The following CACNA2D4 variants were observed in gnomAD, a reference collection of about 807,000 sequenced individuals.
CACNA2D4 encodes voltage-dependent calcium channel subunit alpha-2/delta-4.
CACNA2D4 carries 157 observed loss-of-function variants against 163.8 expected under a neutral mutation model. The ratio of observed to expected loss-of-function variants is 0.96; its 90% CI spans 0.84 to 1.09. The LOEUF (loss-of-function observed/expected upper bound fraction) is 1.09. CACNA2D4 is among the 50% of genes least tolerant of loss of function. CACNA2D4 has a pLI of 0.00. For missense variants in CACNA2D4, 1,410 were observed against 1,479.9 expected, an observed-to-expected ratio of 0.95 and a Z score of 0.78; for synonymous variants, 598 against 586.9, an observed-to-expected ratio of 1.02 and a Z score of -0.27.
intron 26 of CACNA2D4, among the ~76,000 whole-genome samples, chr12:1,825,683 G>A (rs1864284722): frequency 6.6e-6 from 1 of 152,192 alleles, no homozygotes; most frequent in Non-Finnish European, 1.5e-5. Flanking sequence ...TTTGCATCAC[G>A]TGCTGTGTAC....
chr12:1,800,096 C>A (rs375189997), intron 32 of CACNA2D4, 44 bp from the exon 33 acceptor site: 1 of 1,557,402 alleles, frequency 6.4e-7, no homozygotes, highest in East Asian at 2.4e-5. Flanking sequence ...TGAGCCCTCC[C>A]GACTTGGGTT....
intron 18 of CACNA2D4, among the ~76,000 whole-genome samples, chr12:1,863,451 G>A (rs751944276): frequency 2.0e-5 from 3 of 152,200 alleles, no homozygotes; most frequent in Non-Finnish European, 2.9e-5. Flanking sequence ...CAGCTTGTCT[G>A]TTTCTAGGAG....
chr12:1,856,538 C>T (rs865946215), intron 20 of CACNA2D4, among the ~76,000 whole-genome samples: 2 of 152,240 alleles, frequency 1.3e-5, no homozygotes, highest in South Asian at 2.1e-4. Context: ...TGCCCCTCCT[C>T]CCCATCCAGG....
In CACNA2D4 at chr12:1,806,548, C is replaced by A. The variant is rs922094434; in HGVS notation, c.2721+3730G>T. 2.6e-4 allele frequency among the ~76,000 whole-genome samples: 40 copies of A among 152,232 alleles called. No individual in the cohort carries two copies. Among genetic ancestry groups the A allele is most frequent in the Non-Finnish European group, 5.1e-4 (35 of 68,042 alleles). On this transcript the variant is annotated intron_variant, in intron 29 of 37. Transcript: ENST00000382722. The surrounding 1 kb of genome is among the most constrained non-coding windows in gnomAD (Gnocchi z 4.1). ...CTGTAGCTCAACAGGCTTCTCTCTC[C>A]AGGCCCCTGGGTAAGCCCTAGCAGG... is the stretch of plus-strand genomic sequence containing the variant.
chr12:1,907,305 G>A, intron 6 of CACNA2D4, 135 bp downstream of exon 6: 1 of 722,062 alleles, frequency 1.4e-6, no homozygotes, highest in Non-Finnish European at 2.3e-6. Flanking sequence ...TAAAGTGTGG[G>A]CTTGGAGATG....
At chr12:1,819,943 C>A (rs1167811323) in intron 26 of CACNA2D4, among the ~76,000 whole-genome samples, 1 of 152,206 alleles carries the variant, frequency 6.6e-6, no homozygotes, top group East Asian at 1.9e-4. Flanking sequence ...GCTCAGTGAC[C>A]TCTGCATGAC....
chr12:1,795,620 C>T lies in CACNA2D4; in HGVS notation c.3226+48G>A, dbSNP rs1470803124. On this transcript the variant is annotated intron_variant, in intron 36 of 37. Transcript: ENST00000382722. ...AAAATCTGAGCCCTACAGACACCTC[C>T]TACAGCCCCCGCCCCCACCGCACAC... 2.4e-5 allele frequency: 32 copies of T among 1,344,492 alleles called. No homozygotes were observed. The East Asian group carries it at 7.4e-4, about 31-fold the overall frequency. The allele number at this position is 1,344,492 out of a possible 1,614,324, so 83.3% of individuals were successfully genotyped here.
chr12:1,911,319 T>A (rs1866811381), intron 3 of CACNA2D4, among the ~76,000 whole-genome samples: 1 of 152,018 alleles, frequency 6.6e-6, no homozygotes, highest in South Asian at 2.1e-4. Context: ...CTGGCACAAT[T>A]TTTTTTTCTT....
chr12:1,850,187 C>T (rs1403042714), intron 23 of CACNA2D4, among the ~76,000 whole-genome samples: 1 of 152,202 alleles, frequency 6.6e-6, no homozygotes, highest in Non-Finnish European at 1.5e-5. Flanking sequence ...TCGTATCCCA[C>T]CCACAATCTA....
chr12:1,866,947 C>T (rs942426452), intron 18 of CACNA2D4, among the ~76,000 whole-genome samples: 6 of 151,988 alleles, frequency 3.9e-5, no homozygotes, highest in South Asian at 2.1e-4. Flanking sequence ...ATGTCCTTAC[C>T]GAAGACATTA....
In CACNA2D4 at chr12:1,843,459, C is replaced by T. The variant is rs1041988682; in HGVS notation, c.2470+943G>A. Among the ~76,000 whole-genome samples, 5 of 152,230 alleles carry T rather than the reference C, an allele frequency of 3.3e-5. No individual in the cohort carries two copies. Among genetic ancestry groups the T allele is most frequent in the African/African-American group, 1.2e-4 (5 of 41,456 alleles). On this transcript the variant is annotated intron_variant, in intron 25 of 37. Transcript: ENST00000382722. The surrounding 1 kb of genome is among the most constrained non-coding windows in gnomAD (Gnocchi z 4.6). ...AGTCTCCACACTCCTGCATCCCCTCCTGGGGCTCACCCCACCTGCCTGTGC... is the reference window on the plus strand; with the variant it reads ...AGTCTCCACACTCCTGCATCCCCTCTTGGGGCTCACCCCACCTGCCTGTGC...
chr12:1,842,453 TGGAA>T (rs771905707), intron 25 of CACNA2D4, among the ~76,000 whole-genome samples: 5 of 151,934 alleles, frequency 3.3e-5, no homozygotes, highest in South Asian at 2.1e-4. Context: ...TCTTTTGGGG[TGGAA>T]GGGAGTGTGC....
Position 1,844,264 on chromosome 12 carries a change from AAGGCAGGAGGGG to A in CACNA2D4, c.2470+126_2470+137del. 1 of 1,004,254 alleles carries A rather than the reference AAGGCAGGAGGGG, an allele frequency of 1.0e-6. No individual in the cohort carries two copies. Among genetic ancestry groups the A allele is most frequent in the Non-Finnish European group, 1.4e-6 (1 of 698,680 alleles). 62.2% of individuals were successfully genotyped at this position (1,004,254 alleles called of 1,614,324 possible). On this transcript the variant is annotated intron_variant, in intron 25 of 37. Coordinates refer to ENST00000382722, the MANE Select transcript of CACNA2D4 (RefSeq NM_172364.5). The surrounding 1 kb of genome is among the most constrained non-coding windows in gnomAD (Gnocchi z 4.2). The stretch of plus-strand genomic sequence containing the variant: ...TAAGTCACTAATGCATGCAGGAGGG[AAGGCAGGAGGGG>A]AACCCTGGTGGTCTGGACATTCTAT...
intron 26 of CACNA2D4, among the ~76,000 whole-genome samples, chr12:1,821,407 G>A (rs1203792310): frequency 6.6e-6 from 1 of 152,214 alleles, no homozygotes; most frequent in African/African-American, 2.4e-5. Flanking sequence ...ATGAGCATGG[G>A]CCCACTCAGC....
At position 1,795,647 on chromosome 12, in the gene CACNA2D4, TC is replaced by T. The variant is rs1863098060; in HGVS notation, c.3226+20del. ...ACAGCCCCCGCCCCCACCGCACACA[TC>T]CCCGAGCATTGCAGGATATATTTGA... On this transcript the variant is annotated intron_variant, in intron 36 of 37. Coordinates refer to ENST00000382722, the MANE Select transcript of CACNA2D4 (RefSeq NM_172364.5). 1.3e-6 allele frequency: 2 copies of T among 1,519,150 alleles called. No homozygotes were observed. The highest frequency in any genetic ancestry group is 4.5e-5 in the East Asian group (2 of 44,384). 94.1% of individuals were successfully genotyped at this position (1,519,150 alleles called of 1,614,324 possible).
chr12:1,879,434 C>T (rs1490169714), intron 14 of CACNA2D4, among the ~76,000 whole-genome samples: 1 of 152,162 alleles, frequency 6.6e-6, no homozygotes, highest in African/African-American at 2.4e-5. Context: ...AAGAAATCCC[C>T]TCACCAGAGG....
rs570363733 is a variant in CACNA2D4, at chr12:1,878,976, T to A, written c.1624A>T (p.Lys542Ter). ...GSDVALRELM[K>*]LAPRYKLGVH... is the part of the protein sequence containing the mutation. ...CTCACCTTGTACCGGGGCGCCAGCT[T>A]CATCAGCTCTCTCAGGGCCACATCT... Residue 542 changes from lysine (K) to a stop codon, truncating the protein, a stop_gained, in exon 15 of 38, where the codon AAG (lysine) becomes TAG (stop). Transcript: ENST00000382722. LOFTEE classifies it high-confidence loss of function. The surrounding 1 kb of genome is among the most constrained non-coding windows in gnomAD (Gnocchi z 4.6). The A allele has an allele frequency of 1.9e-6, 3 of 1,613,852 alleles. No homozygotes were observed. The South Asian group carries it at 3.3e-5, about 18-fold the overall frequency.
intron 18 of CACNA2D4, among the ~76,000 whole-genome samples, chr12:1,871,558 T>C (rs1226240716): frequency 1.3e-5 from 2 of 150,558 alleles, no homozygotes; most frequent in African/African-American, 4.9e-5. Context: ...TACACGTGTG[T>C]GCTGGTGTGT....
At chr12:1,812,117 C>T (rs953248450) in intron 26 of CACNA2D4, among the ~76,000 whole-genome samples, 1 of 152,190 alleles carries the variant, frequency 6.6e-6, no homozygotes, top group Admixed American at 6.5e-5. Context: ...GACCAAATCA[C>T]GTGACCAAGA....
Sources: gnomAD v4.1 joint callset for allele counts (sites outside exome capture counted in the v4.1 genomes callset) on GRCh38, gnomAD v4.1.1 for gene constraint, Gnocchi (gnomAD v3.1) non-coding constraint, MANE v1.5 for transcripts, NCBI Gene and HGNC (gene_info 2026-07-23, HGNC 2026-07-21) for gene names.